Variants in PACRG observed in about 807,000 individuals in gnomAD.
PACRG encodes parkin coregulated gene protein.
A neutral mutation model predicts 29.7 loss-of-function variants in PACRG; 29 were observed. The ratio of observed to expected loss-of-function variants is 0.98; its 90% confidence interval spans 0.73 to 1.33. The LOEUF is 1.33. Among genes scored for constraint, PACRG ranks in the 40% most tolerant of loss-of-function variants. PACRG has a pLI of 0.00. For missense variants in PACRG, 279 were observed against 316.2 expected, an observed-to-expected ratio of 0.88 and a Z score of 0.89; for synonymous variants, 116 against 118.7, an observed-to-expected ratio of 0.98 and a Z score of 0.15.
chr6:163,060,790 C>A (rs910749195), intron 2 of PACRG: 3 of 152,110 alleles, frequency 2.0e-5, no homozygotes, highest in African/African-American at 4.8e-5. Context: ...ACGAGTTACT[C>A]ACATCCAGGG....
intron 2 of PACRG, among the ~76,000 whole-genome samples, chr6:162,950,015 A>G (rs1436918625): frequency 6.6e-6 from 1 of 152,158 alleles, no homozygotes; most frequent in Non-Finnish European, 1.5e-5. Flanking sequence ...AGAAGTTTTG[A>G]TTTTGCAATG....
chr6:163,153,899 T>C (rs1778207314), intron 4 of PACRG, among the ~76,000 whole-genome samples: 1 of 152,178 alleles, frequency 6.6e-6, no homozygotes, highest in African/African-American at 2.4e-5. Flanking sequence ...AATGTAAGGC[T>C]CTGTGGGGTG....
intron 2 of PACRG, among the ~76,000 whole-genome samples, chr6:163,006,120 AC>A (rs972336768): frequency 2.2e-5 from 3 of 138,666 alleles, no homozygotes; most frequent in Non-Finnish European, 3.1e-5. Context: ...TAGAAACAAA[AC>A]CCATATATAT....
At chr6:163,008,593 G>T (rs1040960649) in intron 2 of PACRG, among the ~76,000 whole-genome samples, 1 of 149,960 alleles carries the variant, frequency 6.7e-6, no homozygotes, top group Non-Finnish European at 1.5e-5. Flanking sequence ...TGGCCAAAGC[G>T]ATTTAATCAA....
intron 4 of PACRG, among the ~76,000 whole-genome samples, chr6:163,122,831 C>T (rs181500184): frequency 1.3e-5 from 2 of 152,238 alleles, no homozygotes; most frequent in East Asian, 3.9e-4. Context: ...TTTATGTTAC[C>T]ATCACCACAA....
chr6:162,895,480 T>G (rs1214791580), intron 2 of PACRG, among the ~76,000 whole-genome samples: 1 of 152,200 alleles, frequency 6.6e-6, no homozygotes, highest in Non-Finnish European at 1.5e-5. Context: ...TAACATTTCT[T>G]AATCTTTACT....
At chr6:162,829,421 C>A (rs540452610) in intron 2 of PACRG, among the ~76,000 whole-genome samples, 1 of 152,204 alleles carries the variant, frequency 6.6e-6, no homozygotes, top group African/African-American at 2.4e-5. Context: ...GTATTAAAGA[C>A]GTGCACTATT....
upstream of PACRG, chr6:162,727,330 G>GCGGGGCGCAGGTGAGGGGCGGCGC: frequency 2.6e-6 from 1 of 379,024 alleles, no homozygotes; most frequent in East Asian, 5.0e-5. Context: ...AGGGGCGGCG[G>GCGGGGCGCAGGTGAGGGGCGGCGC]CGGGGAGAAG....
intron 2 of PACRG, among the ~76,000 whole-genome samples, chr6:163,058,143 A>G (rs1810751459): frequency 2.0e-5 from 3 of 152,206 alleles, no homozygotes; most frequent in Non-Finnish European, 4.4e-5. Flanking sequence ...ACTTTACCCA[A>G]CCTCTAAGCT....
intron 4 of PACRG, among the ~76,000 whole-genome samples, chr6:163,181,320 G>A (rs568001638): frequency 6.6e-6 from 1 of 152,262 alleles, no homozygotes; most frequent in South Asian, 2.1e-4. Flanking sequence ...CACACACTCA[G>A]CCCCGATCTC....
chr6:162,822,254 CA>C (rs1452099242), intron 2 of PACRG, among the ~76,000 whole-genome samples: 1 of 152,160 alleles, frequency 6.6e-6, no homozygotes, highest in Non-Finnish European at 1.5e-5. Context: ...AGGAGATACC[CA>C]AACATGTTTC....
At chr6:163,061,734 T>G (rs1307851375) in intron 2 of PACRG, among the ~76,000 whole-genome samples, 1 of 152,232 alleles carries the variant, frequency 6.6e-6, no homozygotes. Flanking sequence ...AGCTTTCTTC[T>G]TAGAACCTTG....
At chr6:163,242,392 C>T (rs1373622496) in intron 4 of PACRG, among the ~76,000 whole-genome samples, 1 of 152,194 alleles carries the variant, frequency 6.6e-6, no homozygotes, top group East Asian at 1.9e-4. Flanking sequence ...ATTTTCTTTT[C>T]CATGCATTCC....
At chr6:162,741,579 C>T (rs1207276173) in intron 1 of PACRG, among the ~76,000 whole-genome samples, 1 of 152,142 alleles carries the variant, frequency 6.6e-6, no homozygotes, top group Non-Finnish European at 1.5e-5. Flanking sequence ...ATTCTCAAGA[C>T]CTATTCTAAC....
intron 4 of PACRG, among the ~76,000 whole-genome samples, chr6:163,282,878 C>T (rs1230533744): frequency 6.6e-6 from 1 of 152,232 alleles, no homozygotes; most frequent in Non-Finnish European, 1.5e-5. Context: ...ATTGCTCAAT[C>T]ATCAAGCCCT....
At chr6:163,217,547 C>T (rs544784806) in intron 4 of PACRG, among the ~76,000 whole-genome samples, 175 of 152,292 alleles carry the variant, frequency 1.1e-3, no homozygotes, top group Admixed American at 2.1e-3. Flanking sequence ...CCCCAGCCCC[C>T]GGGCCATGGA....
At position 163,004,731 on chromosome 6, in the gene PACRG, T is replaced by C. The variant is rs1462571660; in HGVS notation, c.292-57419T>C. ...GTGTGTGTGTGTGTGTGTGTGTATA[T>C]ATATATACACACACACACACACACA... is the stretch of plus-strand genomic sequence containing the variant. On this transcript the variant is annotated intron_variant, in intron 2 of 4. Transcript: ENST00000366888. Among the ~76,000 whole-genome samples, 89 of 143,776 alleles carry C rather than the reference T, an allele frequency of 6.2e-4. 1 individual carries two copies. Among genetic ancestry groups the C allele is most frequent in the African/African-American group, 2.4e-3 (87 of 36,344 alleles). The allele number at this position is 143,776 out of a possible 152,430, so 94.3% of individuals were successfully genotyped here.
intron 2 of PACRG, among the ~76,000 whole-genome samples, chr6:162,962,433 A>T (rs891370853): frequency 2.6e-5 from 4 of 152,330 alleles, no homozygotes; most frequent in South Asian, 2.1e-4. Flanking sequence ...GGGCTGAATT[A>T]AATGCCCCCA....
intron 2 of PACRG, among the ~76,000 whole-genome samples, chr6:163,022,119 G>C (rs1002346579): frequency 6.6e-6 from 1 of 152,176 alleles, no homozygotes; most frequent in African/African-American, 2.4e-5. Flanking sequence ...AGTGGGGCAA[G>C]TGCACTCAGA....
Sources: gnomAD v4.1 joint callset for allele counts (sites outside exome capture counted in the v4.1 genomes callset) on GRCh38, gnomAD v4.1.1 for gene constraint, MANE v1.5 for transcripts, NCBI Gene and HGNC (gene_info 2026-07-23, HGNC 2026-07-21) for gene names.